ARFGAP3: variants seen among roughly 807,000 people sequenced by gnomAD.
ARFGAP3 encodes ARF GTPase activating protein 3.
ARFGAP3 carries 72 observed loss-of-function variants against 75.0 expected under a neutral mutation model. The ratio of observed to expected loss-of-function variants is 0.96; its 90% confidence interval spans 0.79 to 1.17. The LOEUF (loss-of-function observed/expected upper bound fraction) is 1.17, where lower values mean the gene tolerates loss of function less well. Among genes scored for constraint, ARFGAP3 ranks in the 50% most tolerant of loss-of-function variants. ARFGAP3 has a pLI of 0.00. For missense variants in ARFGAP3, 620 were observed against 626.6 expected, an observed-to-expected ratio of 0.99 and a Z score of 0.11; for synonymous variants, 221 against 217.9, an observed-to-expected ratio of 1.01 and a Z score of -0.13.
intron 7 of ARFGAP3, among the ~76,000 whole-genome samples, chr22:42,826,381 T>C (rs1200042947): frequency 2.0e-5 from 3 of 150,770 alleles, no homozygotes; most frequent in East Asian, 3.9e-4. Flanking sequence ...TGCACATTGC[T>C]GCTTTTTTTT....
In ARFGAP3 at chr22:42,847,557, A is replaced by C; in HGVS notation, c.145T>G (p.Ser49Ala). ...TYGVFLCIDC[S>A]GSHRSLGVHL... Reference sequence around the variant, plus strand: ...ACACCAAGTGACCGGTGGGACCCTGAGCAATCAATGCAAAGGAACACTCCA... The same window carrying C: ...ACACCAAGTGACCGGTGGGACCCTGCGCAATCAATGCAAAGGAACACTCCA... The change falls in exon 2 of 16, where the codon TCA becomes GCA. Residue 49 changes from serine to alanine, a missense_variant. Physicochemically the swap from Ser to Ala is moderately conservative, Grantham distance 99. Coordinates refer to ENST00000263245, the MANE Select transcript of ARFGAP3 (RefSeq NM_014570.5). The C allele has an allele frequency of 1.2e-6, 2 of 1,614,008 alleles. No homozygotes were observed. The highest frequency in any genetic ancestry group is 1.7e-6 in the Non-Finnish European group (2 of 1,179,906).
intron 14 of ARFGAP3, among the ~76,000 whole-genome samples, chr22:42,801,283 A>G (rs938354914): frequency 1.3e-5 from 2 of 152,186 alleles, no homozygotes; most frequent in African/African-American, 2.4e-5. Flanking sequence ...GCAGCCAGGA[A>G]GAAGACAGCT....
intron 5 of ARFGAP3, among the ~76,000 whole-genome samples, chr22:42,831,914 C>G (rs1014332459): frequency 1.2e-4 from 18 of 152,122 alleles, no homozygotes; most frequent in African/African-American, 3.9e-4. Flanking sequence ...TCCTGAGTAG[C>G]TGAGATTGCA....
At chr22:42,832,773 G>A (rs1433901510) in intron 5 of ARFGAP3, among the ~76,000 whole-genome samples, 2 of 151,862 alleles carry the variant, frequency 1.3e-5, no homozygotes, top group South Asian at 2.1e-4. Context: ...ATCACCTGAG[G>A]TCAGGAGTTT....
intron 14 of ARFGAP3, among the ~76,000 whole-genome samples, chr22:42,802,598 TAAG>T (rs1924921080): frequency 6.9e-6 from 1 of 144,188 alleles, no homozygotes; most frequent in Non-Finnish European, 1.5e-5. Flanking sequence ...TGGCCCAAAA[TAAG>T]AATTTTTTTT....
intron 14 of ARFGAP3, among the ~76,000 whole-genome samples, chr22:42,801,893 G>A (rs1353740966): frequency 6.6e-6 from 1 of 152,164 alleles, no homozygotes; most frequent in Non-Finnish European, 1.5e-5. Flanking sequence ...ACGGGTTGCG[G>A]GGCTGTCTGG....
chr22:42,832,031 C>T (rs776993457), intron 5 of ARFGAP3, among the ~76,000 whole-genome samples: 1 of 152,132 alleles, frequency 6.6e-6, no homozygotes, highest in Non-Finnish European at 1.5e-5. Context: ...TATCCTCCCA[C>T]CTCGGCCTCC....
Position 42,857,132 on chromosome 22 carries a change from G to A in ARFGAP3, c.51C>T (p.Arg17=), listed in dbSNP as rs1927541893. 2.0e-6 allele frequency: 3 copies of A among 1,516,008 alleles called. No individual in the cohort carries two copies. The highest frequency in any genetic ancestry group is 1.2e-5 in the South Asian group (1 of 81,014). The allele number at this position is 1,516,008 out of a possible 1,614,324, so 93.9% of individuals were successfully genotyped here. A position where few individuals can be genotyped will look rare whatever the true frequency, so the allele number is the denominator to read the frequency against. Reference sequence around the variant, plus strand: ...CCGCTACCTTGTTAGTGGGCACCGAGCGGAGGCGCTTGAAGATGGTCAAGA... The same window carrying A: ...CCGCTACCTTGTTAGTGGGCACCGAACGGAGGCGCTTGAAGATGGTCAAGA... ...QDILTIFKRL[R]SVPTNKVCFD... is the part of the protein sequence containing the mutation. Residue 17 remains arginine, a synonymous_variant, in exon 1 of 16, where the codon CGC becomes CGT. Transcript: ENST00000263245.
chr22:42,828,908 C>A (rs918579614), intron 6 of ARFGAP3, among the ~76,000 whole-genome samples: 3 of 152,108 alleles, frequency 2.0e-5, no homozygotes, highest in Non-Finnish European at 4.4e-5. Flanking sequence ...TGGCCTTGAA[C>A]CCCTGGCCTC....
chr22:42,835,820 AAAC>A (rs956871017), intron 3 of ARFGAP3, among the ~76,000 whole-genome samples: 15 of 152,050 alleles, frequency 9.9e-5, no homozygotes, highest in Admixed American at 2.6e-4. Context: ...CTCCATCTCA[AAAC>A]AACAACAACA....
intron 3 of ARFGAP3, among the ~76,000 whole-genome samples, chr22:42,837,740 C>T (rs1198059161): frequency 2.4e-5 from 3 of 123,482 alleles, no homozygotes; most frequent in Non-Finnish European, 3.2e-5. Context: ...TGCAGTGGCA[C>T]GGTGAACACT....
At chr22:42,799,899 TCA>T (rs1399697413) in intron 14 of ARFGAP3, among the ~76,000 whole-genome samples, 1 of 152,196 alleles carries the variant, frequency 6.6e-6, no homozygotes, top group African/African-American at 2.4e-5. Context: ...GTACAGAAGT[TCA>T]CACTTCCACC....
chr22:42,837,675 C>CTTTTTTTTTTT lies in ARFGAP3; in HGVS notation c.262-2193_262-2183dup, dbSNP rs71186547. 8.9e-4 allele frequency among the ~76,000 whole-genome samples: 67 copies of CTTTTTTTTTTT among 75,656 alleles called. 8 individuals carry two copies. Among genetic ancestry groups the CTTTTTTTTTTT allele is most frequent in the African/African-American group, 3.2e-3 (51 of 16,048 alleles). The allele number at this position is 75,656 out of a possible 152,430, so 49.6% of individuals were successfully genotyped here. A position where few individuals can be genotyped will look rare whatever the true frequency, so the allele number is the denominator to read the frequency against. On this transcript the variant is annotated intron_variant, in intron 3 of 15. Transcript: ENST00000263245. ...GCCTTGAAACATCTAAGGCATACTT[C>CTTTTTTTTTTT]TTTTTTTTTTTTTTTTTTTTTTGAG...
chr22:42,808,157 G>C (rs1325559716), intron 13 of ARFGAP3, among the ~76,000 whole-genome samples: 1 of 151,948 alleles, frequency 6.6e-6, no homozygotes, highest in Non-Finnish European at 1.5e-5. Context: ...CAGCACTTTG[G>C]GAGGCCGAGG....
chr22:42,832,306 T>C (rs971393153), intron 5 of ARFGAP3, among the ~76,000 whole-genome samples: 3 of 151,870 alleles, frequency 2.0e-5, no homozygotes, highest in Non-Finnish European at 4.4e-5. Flanking sequence ...GGCAGGCAGA[T>C]CACCTGAGGT....
rs1250271782 is a variant in ARFGAP3, at chr22:42,822,315, T to C, written c.767A>G (p.Lys256Arg). 2 of 1,614,084 alleles carry C rather than the reference T, an allele frequency of 1.2e-6. No homozygotes were observed. Among genetic ancestry groups the C allele is most frequent in the African/African-American group, 2.7e-5 (2 of 74,946 alleles). ...EKQAQAADKMKEQEDLAKVVS... is the reference protein window; with the variant it reads ...EKQAQAADKMREQEDLAKVVS... ...CACCTTGGCCAGGTCTTCCTGCTCC[T>C]TCATTTTATCCGCAGCTTGAGCTTG... Residue 256 changes from lysine to arginine, a missense_variant, in exon 9 of 16, where the codon AAG (lysine) becomes AGG (arginine). Physicochemically the swap from Lys to Arg is conservative, Grantham distance 26. Coordinates refer to ENST00000263245, the MANE Select transcript of ARFGAP3 (RefSeq NM_014570.5).
intron 7 of ARFGAP3, among the ~76,000 whole-genome samples, chr22:42,823,991 G>A (rs1160376445): frequency 1.4e-5 from 2 of 147,972 alleles, no homozygotes; most frequent in Admixed American, 1.4e-4. Flanking sequence ...GCCCCTCTCA[G>A]TACTTTCTTC....
At chr22:42,819,573 G>C (rs1291613924) in intron 9 of ARFGAP3, among the ~76,000 whole-genome samples, 3 of 152,156 alleles carry the variant, frequency 2.0e-5, no homozygotes, top group Admixed American at 1.3e-4. Flanking sequence ...GCAGGACACA[G>C]ATCAAACAAG....
Position 42,807,072 on chromosome 22 carries a change from C to G in ARFGAP3, c.1411+1G>C, listed in dbSNP as rs1602093633. The G allele has an allele frequency of 6.2e-7, 1 of 1,608,894 alleles. No homozygotes were observed. The highest frequency in any genetic ancestry group is 8.5e-7 in the Non-Finnish European group (1 of 1,177,712). On this transcript the variant is annotated splice_donor_variant, in intron 14 of 15. Transcript: ENST00000263245. LOFTEE classifies it high-confidence loss of function. Reference sequence around the variant, plus strand: ...ACCAGCTCTTGTTCAGTGCCCCCTACCTGCTGGCTGCTTCCTCGGCTCCTC... The same window carrying G: ...ACCAGCTCTTGTTCAGTGCCCCCTAGCTGCTGGCTGCTTCCTCGGCTCCTC...
Sources: allele counts gnomAD v4.1 joint callset (sites outside exome capture counted in the v4.1 genomes callset), GRCh38; gene constraint gnomAD v4.1.1; transcripts MANE v1.5; gene names NCBI Gene and HGNC (gene_info 2026-07-23, HGNC 2026-07-21).